PACRGL: variants seen among roughly 807,000 people sequenced by gnomAD.
PACRGL encodes PACRG-like protein.
A neutral mutation model predicts 34.5 loss-of-function variants in PACRGL; 38 were observed. The ratio of observed to expected loss-of-function variants is 1.10; its 90% confidence interval spans 0.85 to 1.44. The LOEUF (loss-of-function observed/expected upper bound fraction) is 1.44. PACRGL is among the 40% of genes most tolerant of loss of function. The pLI is 0.00. For missense variants in PACRGL, 305 were observed against 281.4 expected (o/e 1.08, Z -0.60); for synonymous variants, 128 against 100.1 (o/e 1.28, Z -1.66).
chr4:20,762,789 TGTTA>T, the PACRGL span, among the ~76,000 whole-genome samples: 1 of 152,136 alleles, frequency 6.6e-6, no homozygotes, highest in African/African-American at 2.4e-5. Context: ...TCAGCAGTTG[TGTTA>T]GTTCATTTCC....
At chr4:20,713,118 A>G in intron 6 of PACRGL, 196 bp downstream of exon 6, 1 of 589,944 alleles carries the variant, frequency 1.7e-6, no homozygotes, top group Non-Finnish European at 2.8e-6. Flanking sequence ...AGACATCTTT[A>G]GAGGATGTAC....
At chr4:20,714,616 A>G (rs1738929852) in intron 7 of PACRGL, among the ~76,000 whole-genome samples, 2 of 152,276 alleles carry the variant, frequency 1.3e-5, no homozygotes, top group South Asian at 2.1e-4. Context: ...ACAATTTGGC[A>G]TGATTTTGCA....
At chr4:20,758,929 T>C in the PACRGL span, 1 of 1,560,932 alleles carries the variant, frequency 6.4e-7, no homozygotes, top group African/African-American at 1.4e-5. Flanking sequence ...AGCAAAGTGT[T>C]CATAAAACTG....
chr4:20,751,890 A>G (rs1251545521), intron 8 of PACRGL, among the ~76,000 whole-genome samples: 2 of 152,106 alleles, frequency 1.3e-5, no homozygotes, highest in African/African-American at 2.4e-5. Context: ...TAGACAATCT[A>G]TGCACAGAGG....
intron 7 of PACRGL, among the ~76,000 whole-genome samples, chr4:20,713,845 C>T (rs1738507381): frequency 6.6e-6 from 1 of 152,166 alleles, no homozygotes; most frequent in Non-Finnish European, 1.5e-5. Flanking sequence ...AGTTTGATTG[C>T]ACTGTGGTCT....
chr4:20,715,232 A>G (rs2149118122), intron 7 of PACRGL, among the ~76,000 whole-genome samples: 2 of 152,126 alleles, frequency 1.3e-5, no homozygotes, highest in Middle Eastern at 6.8e-3. Flanking sequence ...ATGAGAACAC[A>G]TGGACACAGG....
At chr4:20,708,300 G>A (rs1484359621) in intron 4 of PACRGL, among the ~76,000 whole-genome samples, 2 of 151,650 alleles carry the variant, frequency 1.3e-5, no homozygotes, top group Non-Finnish European at 2.9e-5. Context: ...CTAGACAGAT[G>A]TCAGAACTTT....
At chr4:20,737,447 A>G (rs1043516592), downstream of PACRGL, among the ~76,000 whole-genome samples, 4 of 151,292 alleles carry the variant, frequency 2.6e-5, no homozygotes, top group African/African-American at 9.7e-5. Flanking sequence ...AGTAAGAGTC[A>G]GAAATGGGCT....
intron 8 of PACRGL, among the ~76,000 whole-genome samples, chr4:20,740,606 G>A (rs567657155): frequency 6.6e-6 from 1 of 152,286 alleles, no homozygotes; most frequent in Admixed American, 6.5e-5. Flanking sequence ...ACTGATACCA[G>A]CCACTGCAAA....
chr4:20,731,807 G>C lies in PACRGL; in HGVS notation c.*4466G>C. The C allele has an allele frequency of 1.0e-6, 1 of 985,376 alleles. No homozygotes were observed. The highest frequency in any genetic ancestry group is 1.2e-6 in the Non-Finnish European group (1 of 829,920). The allele number at this position is 985,376 out of a possible 1,614,324, so 61.0% of individuals were successfully genotyped here. A position where few individuals can be genotyped will look rare whatever the true frequency, so the allele number is the denominator to read the frequency against. ...ATCCCCAGGGTTTCCTCCATAGCCT[G>C]ACTCAGTGGGCACTCTAAATGTTGA... On this transcript the variant is annotated 3_prime_UTR_variant, in exon 9 of 9. Coordinates refer to ENST00000503585, the MANE Select transcript of PACRGL (RefSeq NM_001258345.3).
Position 20,707,879 on chromosome 4 carries a change from A to G in PACRGL, c.275+9A>G, listed in dbSNP as rs942670434. The G allele has an allele frequency of 1.9e-6, 3 of 1,599,196 alleles. No individual in the cohort carries two copies. In the African/African-American group the frequency reaches 4.0e-5, roughly 21 times the overall value. ...GGAGGTATTCCTTGCAGGTAAAATC[A>G]ATATGATTTATAACTGACCAAATTA... On this transcript the variant is annotated intron_variant, in intron 4 of 8. Transcript: ENST00000503585.
rs948746161 is a variant in PACRGL at position 20,715,645 on chromosome 4, T to C, written c.609+2106T>C. 1.6e-4 allele frequency among the ~76,000 whole-genome samples: 25 copies of C among 152,146 alleles called. No individual in the cohort carries two copies. In the South Asian group the frequency reaches 5.2e-3, roughly 32 times the overall value. ...CACTTTGGAGGCTGAGGTGGGTGGATTGCCTGAGCTCAGGAGTTTGAGACC... is the reference window on the plus strand; with the variant it reads ...CACTTTGGAGGCTGAGGTGGGTGGACTGCCTGAGCTCAGGAGTTTGAGACC... On this transcript the variant is annotated intron_variant, in intron 7 of 8. Coordinates refer to ENST00000503585, the MANE Select transcript of PACRGL (RefSeq NM_001258345.3).
chr4:20,732,610 G>A (rs1408216609), downstream of PACRGL: 11 of 899,258 alleles, frequency 1.2e-5, no homozygotes, highest in East Asian at 4.8e-5. Context: ...TTGAATCATC[G>A]TGGTGCATGG....
At chr4:20,750,563 T>A (rs977112562) in intron 8 of PACRGL, among the ~76,000 whole-genome samples, 3 of 152,154 alleles carry the variant, frequency 2.0e-5, no homozygotes, top group Admixed American at 1.3e-4. Context: ...ATTCTTCCCC[T>A]CTCATTTTTC....
intron 8 of PACRGL, among the ~76,000 whole-genome samples, chr4:20,752,090 C>T (rs1368538891): frequency 7.7e-6 from 1 of 130,664 alleles, no homozygotes; most frequent in Admixed American, 8.5e-5. Flanking sequence ...CAAAGTACTG[C>T]TCTTGTCCCC....
intron 8 of PACRGL, among the ~76,000 whole-genome samples, chr4:20,739,815 GA>G (rs1750618688): frequency 6.6e-6 from 1 of 152,078 alleles, no homozygotes; most frequent in Admixed American, 6.6e-5. Flanking sequence ...GAAGATGTTC[GA>G]ACCCATCACA....
At chr4:20,738,432 G>A (rs1458955021) in intron 8 of PACRGL, among the ~76,000 whole-genome samples, 1 of 152,138 alleles carries the variant, frequency 6.6e-6, no homozygotes, top group Admixed American at 6.5e-5. Context: ...CAAGAATTAT[G>A]ATTCATTAGG....
At chr4:20,758,372 G>C in the PACRGL span, among the ~76,000 whole-genome samples, 3 of 152,096 alleles carry the variant, frequency 2.0e-5, no homozygotes, top group Non-Finnish European at 2.9e-5. Flanking sequence ...TTATAACCCA[G>C]ATCTGCCACT....
At position 20,704,523 on chromosome 4, in the gene PACRGL, C is replaced by G. The variant is rs1173415445; in HGVS notation, c.42C>G (p.Asn14Lys). Residue 14 changes from asparagine to lysine, a missense_variant, in exon 2 of 9, where the codon AAC becomes AAG. Transcript: ENST00000503585. ...GCTCTGGAGGTACACAGTTGAAAAACAGAGCAACAGGTACAGAGCTTTTGT... is the reference window on the plus strand; with the variant it reads ...GCTCTGGAGGTACACAGTTGAAAAAGAGAGCAACAGGTACAGAGCTTTTGT... ...SEGSGGTQLK[N>K]RATGNYDQRT... The G allele has an allele frequency of 6.2e-7, 1 of 1,613,664 alleles. No homozygotes were observed. Among genetic ancestry groups the G allele is most frequent in the Admixed American group, 1.7e-5 (1 of 59,964 alleles).
Sources: allele counts gnomAD v4.1 joint callset (sites outside exome capture counted in the v4.1 genomes callset), GRCh38; gene constraint gnomAD v4.1.1; transcripts MANE v1.5; gene names NCBI Gene and HGNC (gene_info 2026-07-23, HGNC 2026-07-21).